RSRC1: variants seen among roughly 807,000 people sequenced by gnomAD.
The protein encoded by RSRC1 is arginine and serine rich coiled-coil 1.
In RSRC1, 39 loss-of-function variants were observed where a neutral mutation model predicts 49.1. The observed-to-expected ratio is 0.79, with a 90% CI of 0.61 to 1.04. RSRC1 has a LOEUF of 1.04. RSRC1 is among the 50% of genes least tolerant of loss of function. The pLI is 0.00. For synonymous variants in RSRC1, 143 were observed against 130.8 expected, an observed-to-expected ratio of 1.09 and a Z score of -0.63; for missense variants, 388 against 402.4, an observed-to-expected ratio of 0.96 and a Z score of 0.31.
At chr3:158,204,574 A>T (rs1721246191) in intron 4 of RSRC1, among the ~76,000 whole-genome samples, 1 of 152,174 alleles carries the variant, frequency 6.6e-6, no homozygotes, top group South Asian at 2.1e-4. Flanking sequence ...ATATTGGGAA[A>T]ATCTCTTGGT....
rs2108367630 is a variant in RSRC1 at position 158,438,121 on chromosome 3, G to C, written c.584-22814G>C. On this transcript the variant is annotated intron_variant, in intron 6 of 9. Transcript: ENST00000611884. The stretch of plus-strand genomic sequence containing the variant: ...GAATCCAACTTACAAGGGATGTGAA[G>C]GACCTCTTCAAGGAGAACTACAAAC... Among the ~76,000 whole-genome samples, 3 of 152,192 alleles carry C rather than the reference G, an allele frequency of 2.0e-5. No individual in the cohort carries two copies. In the Middle Eastern group the frequency reaches 0.01, roughly 518 times the overall value.
intron 5 of RSRC1, among the ~76,000 whole-genome samples, chr3:158,331,478 G>A (rs557126596): frequency 6.6e-6 from 1 of 152,020 alleles, no homozygotes; most frequent in South Asian, 2.1e-4. Context: ...TTTTAGTTCT[G>A]TGTTGCTGGA....
At chr3:158,252,160 A>ATT (rs34449906) in intron 4 of RSRC1, among the ~76,000 whole-genome samples, 42 of 142,846 alleles carry the variant, frequency 2.9e-4, no homozygotes, top group African/African-American at 9.6e-4. Context: ...ATGATGAATG[A>ATT]TTTTTTTTTT....
chr3:158,114,532 T>C (rs1277685889), intron 1 of RSRC1, among the ~76,000 whole-genome samples: 1 of 152,176 alleles, frequency 6.6e-6, no homozygotes, highest in Non-Finnish European at 1.5e-5. Flanking sequence ...TCTGATTCTG[T>C]GAAGAATGTT....
intron 4 of RSRC1, among the ~76,000 whole-genome samples, chr3:158,277,557 C>T (rs1725887822): frequency 6.6e-6 from 1 of 152,076 alleles, no homozygotes; most frequent in South Asian, 2.1e-4. Flanking sequence ...AAAAATACTG[C>T]TGGAAGTGTA....
chr3:158,217,561 G>C (rs977758591), intron 4 of RSRC1, among the ~76,000 whole-genome samples: 1 of 151,350 alleles, frequency 6.6e-6, no homozygotes, highest in Non-Finnish European at 1.5e-5. Context: ...TTATCCTGAG[G>C]ATTCTCTACC....
intron 6 of RSRC1, among the ~76,000 whole-genome samples, chr3:158,423,668 A>C (rs911002928): frequency 3.4e-4 from 51 of 152,152 alleles, no homozygotes; most frequent in Non-Finnish European, 6.2e-4. Flanking sequence ...TACCTTGGGC[A>C]GTATGGCCAT....
chr3:158,473,226 C>T lies in RSRC1; in HGVS notation c.652+12223C>T, dbSNP rs1370218237. On this transcript the variant is annotated intron_variant, in intron 7 of 9. Transcript: ENST00000611884. ...GACACATGCACACGTATGTTTATCG[C>T]GGCACTACTCACAATAGCAAAGACT... Among the ~76,000 whole-genome samples the T allele has an allele frequency of 4.6e-5, 7 of 152,116 alleles. No individual in the cohort carries two copies. In the East Asian group the frequency reaches 5.8e-4, roughly 13 times the overall value.
At chr3:158,509,333 C>T (rs1740030478) in intron 7 of RSRC1, among the ~76,000 whole-genome samples, 1 of 152,106 alleles carries the variant, frequency 6.6e-6, no homozygotes, top group South Asian at 2.1e-4. Flanking sequence ...TAAAGAATAA[C>T]AGTAATATAG....
intron 6 of RSRC1, among the ~76,000 whole-genome samples, chr3:158,365,818 T>A (rs1205108712): frequency 6.6e-6 from 1 of 152,244 alleles, no homozygotes; most frequent in Non-Finnish European, 1.5e-5. Flanking sequence ...TGTAGTTTCC[T>A]TACTTTTTAA....
intron 4 of RSRC1, among the ~76,000 whole-genome samples, chr3:158,279,084 T>C (rs553985979): frequency 4.7e-4 from 72 of 152,338 alleles, no homozygotes; most frequent in African/African-American, 1.7e-3. Flanking sequence ...TCTATTCTTT[T>C]CTCATTTTGA....
chr3:158,475,627 G>C (rs1422314176), intron 7 of RSRC1, among the ~76,000 whole-genome samples: 1 of 152,030 alleles, frequency 6.6e-6, no homozygotes, highest in African/African-American at 2.4e-5. Flanking sequence ...TGTAGTAGTT[G>C]ATTTGGGGCA....
intron 5 of RSRC1, among the ~76,000 whole-genome samples, chr3:158,348,746 C>G (rs892769048): frequency 6.6e-6 from 1 of 152,120 alleles, no homozygotes; most frequent in African/African-American, 2.4e-5. Flanking sequence ...AACCTCCTCT[C>G]TTTTGGAATC....
At chr3:158,478,292 A>T (rs1738470234) in intron 7 of RSRC1, among the ~76,000 whole-genome samples, 6 of 150,680 alleles carry the variant, frequency 4.0e-5, no homozygotes, top group Admixed American at 3.3e-4. Context: ...TTTTTGAAAT[A>T]TTTTTTTCTA....
intron 5 of RSRC1, among the ~76,000 whole-genome samples, chr3:158,313,886 T>C (rs1265677404): frequency 3.9e-5 from 6 of 152,222 alleles, no homozygotes; most frequent in Non-Finnish European, 8.8e-5. Context: ...AACTAATTAG[T>C]ACTTTGTGAT....
chr3:158,189,185 T>C (rs1021603675), intron 3 of RSRC1, among the ~76,000 whole-genome samples: 5 of 151,946 alleles, frequency 3.3e-5, no homozygotes, highest in Non-Finnish European at 7.4e-5. Context: ...GAAAACATAA[T>C]CTGAATGCTT....
At chr3:158,328,873 C>G (rs889864129) in intron 5 of RSRC1, among the ~76,000 whole-genome samples, 2 of 152,224 alleles carry the variant, frequency 1.3e-5, no homozygotes, top group African/African-American at 4.8e-5. Context: ...TTCAGGTACA[C>G]CAATCAGACG....
At chr3:158,282,901 G>T (rs1726263551) in intron 4 of RSRC1, among the ~76,000 whole-genome samples, 1 of 152,188 alleles carries the variant, frequency 6.6e-6, no homozygotes. Flanking sequence ...ATGTTAGGGA[G>T]AAGGTATTGG....
intron 3 of RSRC1, among the ~76,000 whole-genome samples, chr3:158,199,288 G>A (rs1720881222): frequency 6.6e-6 from 1 of 151,882 alleles, no homozygotes; most frequent in Non-Finnish European, 1.5e-5. Flanking sequence ...CCAGTCTCAG[G>A]TATGTCTTTA....
Sources: allele counts gnomAD v4.1 joint callset (sites outside exome capture counted in the v4.1 genomes callset), GRCh38; gene constraint gnomAD v4.1.1; transcripts MANE v1.5; gene names NCBI Gene and HGNC (gene_info 2026-07-23, HGNC 2026-07-21).